The following EYA1 variants were observed in gnomAD, a reference collection of about 807,000 sequenced individuals.
The protein encoded by EYA1 is EYA transcriptional coactivator and phosphatase 1, also known as protein phosphatase EYA1.
In EYA1, 16 loss-of-function variants were observed where a neutral mutation model predicts 82.0. The observed-to-expected ratio is 0.20, with a 90% CI of 0.13 to 0.30. EYA1 has a LOEUF of 0.30. Among genes scored for constraint, EYA1 ranks in the 10% least tolerant of loss-of-function variants. EYA1 has a pLI of 1.00. For missense variants in EYA1, 633 were observed against 730.7 expected, an observed-to-expected ratio of 0.87 and a Z score of 1.54; for synonymous variants, 261 against 264.4, an observed-to-expected ratio of 0.99 and a Z score of 0.12.
intron 12 of EYA1, among the ~76,000 whole-genome samples, chr8:71,241,982 G>C (rs757465783): frequency 1.3e-5 from 2 of 152,190 alleles, no homozygotes; most frequent in Non-Finnish European, 2.9e-5. Flanking sequence ...GCCGAGGCAG[G>C]TGGCTCACCT....
At chr8:71,362,541 G>A (rs1215952306), upstream of EYA1, among the ~76,000 whole-genome samples, 2 of 152,032 alleles carry the variant, frequency 1.3e-5, no homozygotes, top group South Asian at 2.1e-4. Context: ...AAACAGGTCT[G>A]GGGGAAATAA....
At chr8:71,512,507 A>C (rs1268739172) in intron 2 of EYA1, among the ~76,000 whole-genome samples, 1 of 152,094 alleles carries the variant, frequency 6.6e-6, no homozygotes, top group African/African-American at 2.4e-5. Context: ...GTTACAAAAT[A>C]AAAGCTACAA....
At chr8:71,232,230 T>C (rs1379109679) in intron 12 of EYA1, among the ~76,000 whole-genome samples, 1 of 152,132 alleles carries the variant, frequency 6.6e-6, no homozygotes, top group Non-Finnish European at 1.5e-5. Context: ...ATGAGAAAAG[T>C]TTCCCAAAGG....
At chr8:71,361,300 TGCA>T (rs1367830825) in intron 1 of EYA1, among the ~76,000 whole-genome samples, 4 of 152,238 alleles carry the variant, frequency 2.6e-5, no homozygotes, top group Non-Finnish European at 5.9e-5. Context: ...TTGAGATTTG[TGCA>T]GCAATTCAGA....
intron 4 of EYA1, among the ~76,000 whole-genome samples, chr8:71,326,565 A>G (rs1823175482): frequency 6.6e-6 from 1 of 152,166 alleles, no homozygotes; most frequent in Non-Finnish European, 1.5e-5. Flanking sequence ...GTGAGGGGAC[A>G]CTTTCAAAGG....
intron 11 of EYA1, among the ~76,000 whole-genome samples, chr8:71,269,292 T>C (rs563467663): frequency 1.8e-4 from 28 of 152,308 alleles, no homozygotes; most frequent in Admixed American, 1.6e-3. Flanking sequence ...CAAAGGGACA[T>C]ATAGAGACAT....
At chr8:71,476,552 C>T (rs912511937) in intron 2 of EYA1, among the ~76,000 whole-genome samples, 4 of 151,908 alleles carry the variant, frequency 2.6e-5, no homozygotes, top group Non-Finnish European at 4.4e-5. Context: ...AAATATAAAA[C>T]ACTGTTGCAA....
intron 2 of EYA1, among the ~76,000 whole-genome samples, chr8:71,491,219 T>C (rs1810974442): frequency 6.6e-6 from 1 of 152,326 alleles, no homozygotes; most frequent in South Asian, 2.1e-4. Flanking sequence ...TATAAATACT[T>C]TCTGCATTTC....
At chr8:71,394,646 T>C (rs992583985) in intron 2 of EYA1, among the ~76,000 whole-genome samples, 9 of 152,160 alleles carry the variant, frequency 5.9e-5, no homozygotes, top group Non-Finnish European at 1.3e-4. Context: ...GTTCTATTGG[T>C]CTATATATCT....
chr8:71,217,366 T>A (rs1389995141), intron 12 of EYA1, among the ~76,000 whole-genome samples: 1 of 152,226 alleles, frequency 6.6e-6, no homozygotes, highest in Non-Finnish European at 1.5e-5. Flanking sequence ...AGTCAGTGCC[T>A]AAGCATAACT....
intron 2 of EYA1, among the ~76,000 whole-genome samples, chr8:71,479,063 AG>A (rs543839125): frequency 3.3e-4 from 51 of 152,262 alleles, no homozygotes; most frequent in Admixed American, 2.0e-3. Context: ...AGGTCCTGTG[AG>A]GTGCTATGTG....
intron 2 of EYA1, among the ~76,000 whole-genome samples, chr8:71,390,242 T>C (rs1353639587): frequency 6.6e-6 from 1 of 152,098 alleles, no homozygotes; most frequent in Non-Finnish European, 1.5e-5. Context: ...GCATTCACAT[T>C]TACAAGTGAA....
chr8:71,225,079 C>T (rs576379024), intron 12 of EYA1: 21 of 286,648 alleles, frequency 7.3e-5, no homozygotes, highest in Middle Eastern at 4.1e-4. Context: ...TTGCAGGAAC[C>T]ATGTTTTTAC....
intron 3 of EYA1, among the ~76,000 whole-genome samples, chr8:71,349,193 C>G (rs558679987): frequency 1.3e-5 from 2 of 152,184 alleles, no homozygotes; most frequent in African/African-American, 2.4e-5. Context: ...CACACACTCA[C>G]GCACACCAGA....
At chr8:71,331,655 A>G (rs747876048) in intron 4 of EYA1, among the ~76,000 whole-genome samples, 8 of 152,064 alleles carry the variant, frequency 5.3e-5, no homozygotes, top group Non-Finnish European at 1.2e-4. Context: ...TTTTTAAGAA[A>G]GCAAAACTGT....
intron 3 of EYA1, among the ~76,000 whole-genome samples, chr8:71,341,306 C>T (rs1039605144): frequency 2.0e-5 from 3 of 152,140 alleles, no homozygotes; most frequent in Non-Finnish European, 4.4e-5. Flanking sequence ...AAAAGCACAA[C>T]CATGTAACGT....
chr8:71,523,078 C>T (rs1813523728), intron 2 of EYA1, among the ~76,000 whole-genome samples: 1 of 151,860 alleles, frequency 6.6e-6, no homozygotes, highest in African/African-American at 2.4e-5. Flanking sequence ...TATCTTTTCT[C>T]ATGTTTTAAG....
At chr8:71,506,064 G>A (rs73293161) in intron 2 of EYA1, among the ~76,000 whole-genome samples, 15 of 152,182 alleles carry the variant, frequency 9.9e-5, no homozygotes, top group African/African-American at 3.1e-4. Flanking sequence ...AGGTCTTCCC[G>A]GCCATGTGGA....
At chr8:71,380,660 T>C (rs76528825) in intron 2 of EYA1, among the ~76,000 whole-genome samples, 3 of 152,352 alleles carry the variant, frequency 2.0e-5, no homozygotes, top group Non-Finnish European at 2.9e-5. Flanking sequence ...AGTAATCTCA[T>C]AATCTCATCC....
Sources: gnomAD v4.1 joint callset for allele counts (sites outside exome capture counted in the v4.1 genomes callset) on GRCh38, gnomAD v4.1.1 for gene constraint, MANE v1.5 for transcripts, NCBI Gene and HGNC (gene_info 2026-07-23, HGNC 2026-07-21) for gene names.